Variants in CNTN5 observed in about 807,000 individuals in gnomAD.
CNTN5 encodes contactin-5.
In CNTN5, 77 loss-of-function variants were observed where a neutral mutation model predicts 129.1. That is an observed-to-expected ratio of 0.60 (90% CI 0.50 to 0.72). The LOEUF (loss-of-function observed/expected upper bound fraction) is 0.72, where lower values mean the gene tolerates loss of function less well. Ranked by LOEUF, CNTN5 falls within the 30% of genes least tolerant of loss-of-function variation. CNTN5 has a pLI of 0.00. For synonymous variants in CNTN5, 509 were observed against 465.6 expected (o/e 1.09, Z -1.20); for missense variants, 1,478 against 1,328.8 (o/e 1.11, Z -1.75).
intron 2 of CNTN5, among the ~76,000 whole-genome samples, chr11:99,444,307 G>A (rs1219973916): frequency 6.6e-6 from 1 of 152,108 alleles, no homozygotes. Context: ...GAGGTTATTT[G>A]TCAGAAGATA....
At chr11:99,225,650 A>T (rs574817352) in intron 1 of CNTN5, among the ~76,000 whole-genome samples, 113 of 152,300 alleles carry the variant, frequency 7.4e-4, no homozygotes, top group African/African-American at 2.4e-3. Flanking sequence ...AACAATGATC[A>T]TACAGTGTTG....
At chr11:100,346,172 A>T (rs551551434) in intron 23 of CNTN5, among the ~76,000 whole-genome samples, 2 of 152,234 alleles carry the variant, frequency 1.3e-5, no homozygotes, top group South Asian at 4.1e-4. Flanking sequence ...TTTTTCAAAT[A>T]AATGTTTTTA....
At chr11:99,214,812 C>G (rs1239470096) in intron 1 of CNTN5, among the ~76,000 whole-genome samples, 1 of 152,096 alleles carries the variant, frequency 6.6e-6, no homozygotes, top group Non-Finnish European at 1.5e-5. Context: ...ATACCATAAA[C>G]TTTCATCATC....
chr11:99,213,759 A>T (rs1040775083), intron 1 of CNTN5, among the ~76,000 whole-genome samples: 1 of 152,096 alleles, frequency 6.6e-6, no homozygotes, highest in Non-Finnish European at 1.5e-5. Flanking sequence ...CCTTTGGATT[A>T]TGCTATTGTC....
At chr11:100,310,513 A>G (rs1951450315) in intron 21 of CNTN5, among the ~76,000 whole-genome samples, 1 of 151,972 alleles carries the variant, frequency 6.6e-6, no homozygotes, top group Non-Finnish European at 1.5e-5. Context: ...GTACCAGACA[A>G]TGAGCTAAAT....
intron 3 of CNTN5, among the ~76,000 whole-genome samples, chr11:99,803,292 C>T (rs1469688995): frequency 6.6e-6 from 1 of 152,218 alleles, no homozygotes; most frequent in South Asian, 2.1e-4. Flanking sequence ...CGAGCTGGCC[C>T]TGGCTGCAGG....
rs367588878 is a variant in CNTN5 at position 99,713,713 on chromosome 11, A to G, written c.56-105831A>G. ...ATACATTTTCGGAACTAGGAAAACA[A>G]TAGAAATACTTGCACTTTTAAGTTT... is the stretch of plus-strand genomic sequence containing the variant. On this transcript the variant is annotated intron_variant, in intron 3 of 24. Coordinates refer to ENST00000524871, the MANE Select transcript of CNTN5 (RefSeq NM_014361.4). Among the ~76,000 whole-genome samples, 996 of 152,094 alleles carry G rather than the reference A, an allele frequency of 6.5e-3. 9 individuals carry two copies. Among genetic ancestry groups the G allele is most frequent in the African/African-American group, 0.021 (890 of 41,528 alleles).
intron 2 of CNTN5, among the ~76,000 whole-genome samples, chr11:99,496,475 TA>T (rs1387915163): frequency 6.6e-6 from 1 of 152,174 alleles, no homozygotes; most frequent in Non-Finnish European, 1.5e-5. Flanking sequence ...CTTGACATAT[TA>T]AAAATGTCTT....
chr11:99,797,893 C>CTA, intron 3 of CNTN5, among the ~76,000 whole-genome samples: 1 of 151,944 alleles, frequency 6.6e-6, no homozygotes, highest in Non-Finnish European at 1.5e-5. Context: ...ATAAATTGTA[C>CTA]CACAATAAAA....
At chr11:99,309,171 C>CT (rs1864997072) in intron 1 of CNTN5, among the ~76,000 whole-genome samples, 1 of 149,284 alleles carries the variant, frequency 6.7e-6, no homozygotes, top group South Asian at 2.1e-4. Flanking sequence ...ATATCAGTCA[C>CT]TTTTTCTTTT....
At chr11:99,688,827 A>G (rs1953908555) in intron 3 of CNTN5, among the ~76,000 whole-genome samples, 1 of 152,134 alleles carries the variant, frequency 6.6e-6, no homozygotes, top group African/African-American at 2.4e-5. Flanking sequence ...CTCATGATTT[A>G]GCATTCACTT....
chr11:99,057,698 G>A (rs758607865), intron 1 of CNTN5, among the ~76,000 whole-genome samples: 13 of 151,690 alleles, frequency 8.6e-5, no homozygotes, highest in Non-Finnish European at 1.2e-4. Context: ...AAAAAGAAGT[G>A]GAAAAAAAGT....
chr11:99,264,497 G>T (rs915791541), intron 1 of CNTN5, among the ~76,000 whole-genome samples: 2 of 151,904 alleles, frequency 1.3e-5, no homozygotes, highest in Non-Finnish European at 2.9e-5. Flanking sequence ...GAATTCACTG[G>T]GTACCTGGAG....
intron 7 of CNTN5, among the ~76,000 whole-genome samples, chr11:99,933,209 A>G (rs902851889): frequency 2.6e-5 from 4 of 152,218 alleles, no homozygotes; most frequent in Non-Finnish European, 5.9e-5. Context: ...CTCTAGAGAA[A>G]TAGAAACAAA....
intron 1 of CNTN5, among the ~76,000 whole-genome samples, chr11:99,034,663 T>A (rs1195096631): frequency 1.3e-5 from 2 of 151,960 alleles, no homozygotes; most frequent in Non-Finnish European, 2.9e-5. Flanking sequence ...TCTCTCTTTT[T>A]TTCTTTATTA....
At chr11:99,898,908 A>G (rs571255057) in intron 6 of CNTN5, among the ~76,000 whole-genome samples, 1 of 152,166 alleles carries the variant, frequency 6.6e-6, no homozygotes, top group African/African-American at 2.4e-5. Context: ...AGATCAACGT[A>G]AAGTTGCTTC....
At chr11:99,773,167 CT>C (rs1945002603) in intron 3 of CNTN5, among the ~76,000 whole-genome samples, 1 of 152,002 alleles carries the variant, frequency 6.6e-6, no homozygotes. Context: ...ATAAGTCAAC[CT>C]GAATTTTAAT....
chr11:99,847,552 C>G (rs1225069099), intron 6 of CNTN5, among the ~76,000 whole-genome samples: 3 of 152,138 alleles, frequency 2.0e-5, no homozygotes, highest in African/African-American at 7.2e-5. Flanking sequence ...TAAAAACCCA[C>G]AAGGTACCTG....
chr11:99,642,154 C>T (rs772523929), intron 3 of CNTN5, among the ~76,000 whole-genome samples: 1 of 152,070 alleles, frequency 6.6e-6, no homozygotes, highest in Non-Finnish European at 1.5e-5. Flanking sequence ...ATGTTCCCTG[C>T]TGTGCTGAAA....
Sources: gnomAD v4.1 joint callset for allele counts (sites outside exome capture counted in the v4.1 genomes callset) on GRCh38, gnomAD v4.1.1 for gene constraint, MANE v1.5 for transcripts, NCBI Gene and HGNC (gene_info 2026-07-23, HGNC 2026-07-21) for gene names.